Variants in CLDN14 observed in about 807,000 individuals in gnomAD.
CLDN14 encodes the protein claudin-14.
A neutral mutation model predicts 2.1 loss-of-function variants in CLDN14; 2 were observed. That is an observed-to-expected ratio of 0.96 (90% confidence interval 0.39 to 3.01). The LOEUF is 3.01. Ranked by LOEUF, CLDN14 falls within the 30% of genes most tolerant of loss-of-function variation. The pLI is 0.09. For synonymous variants in CLDN14, 136 were observed against 154.4 expected, an observed-to-expected ratio of 0.88 and a Z score of 0.88; for missense variants, 298 against 328.0, an observed-to-expected ratio of 0.91 and a Z score of 0.71.
intron 1 of CLDN14, among the ~76,000 whole-genome samples, chr21:36,527,832 G>C (rs1157176673): frequency 6.6e-6 from 1 of 151,782 alleles, no homozygotes; most frequent in African/African-American, 2.4e-5. Flanking sequence ...TGTATCTCAG[G>C]GGGAAGAAAC....
At chr21:36,476,814 G>T (rs1270396044) in intron 1 of CLDN14, among the ~76,000 whole-genome samples, 1 of 152,268 alleles carries the variant, frequency 6.6e-6, no homozygotes, top group Non-Finnish European at 1.5e-5. Flanking sequence ...ACTCACAGTG[G>T]TGAGAATGAT....
chr21:36,485,890 C>G, intron 2 of CLDN14: 2 of 619,880 alleles, frequency 3.2e-6, no homozygotes, highest in Non-Finnish European at 2.7e-6. Flanking sequence ...TTTATTTAGG[C>G]TGTAATGGTT....
upstream of CLDN14, chr21:36,480,840 T>G (rs2086837525): frequency 6.6e-6 from 1 of 151,858 alleles, no homozygotes; most frequent in Non-Finnish European, 1.5e-5. Flanking sequence ...GGGCTCTGGT[T>G]GGTGTTTAAA....
intron 1 of CLDN14, among the ~76,000 whole-genome samples, chr21:36,475,201 G>A (rs945506159): frequency 6.6e-6 from 1 of 152,204 alleles, no homozygotes; most frequent in African/African-American, 2.4e-5. Context: ...GGCTGGACTG[G>A]ACCTGGTGGG....
chr21:36,572,159 T>C (rs2087714379), intron 1 of CLDN14, among the ~76,000 whole-genome samples: 1 of 152,216 alleles, frequency 6.6e-6, no homozygotes, highest in Non-Finnish European at 1.5e-5. Context: ...TCTGGGCTTG[T>C]TATCCAAGGC....
intron 1 of CLDN14, among the ~76,000 whole-genome samples, chr21:36,522,806 C>T (rs2087281789): frequency 6.6e-6 from 1 of 152,106 alleles, no homozygotes; most frequent in Non-Finnish European, 1.5e-5. Flanking sequence ...TCTTCCCATT[C>T]CATTTTAATT....
intron 2 of CLDN14, chr21:36,486,077 G>T: frequency 7.2e-7 from 1 of 1,386,566 alleles, no homozygotes; most frequent in South Asian, 1.2e-5. Context: ...TTCATTGTTG[G>T]GATCCACACC....
At chr21:36,491,980 T>A (rs940102139) in intron 2 of CLDN14, among the ~76,000 whole-genome samples, 2 of 152,164 alleles carry the variant, frequency 1.3e-5, no homozygotes, top group Non-Finnish European at 2.9e-5. Flanking sequence ...TATGACCTTC[T>A]TTGGAAATAG....
chr21:36,546,529 A>C (rs2087526916), intron 1 of CLDN14, among the ~76,000 whole-genome samples: 1 of 152,176 alleles, frequency 6.6e-6, no homozygotes, highest in South Asian at 2.1e-4. Flanking sequence ...CAGCACAGGT[A>C]ATTTTTGTTT....
At chr21:36,516,185 G>A (rs557421097) in intron 1 of CLDN14, among the ~76,000 whole-genome samples, 65 of 152,174 alleles carry the variant, frequency 4.3e-4, no homozygotes, top group Non-Finnish European at 8.4e-4. Flanking sequence ...TGGCTAGGAA[G>A]TTTGTATCTC....
chr21:36,515,660 A>G, intron 1 of CLDN14, among the ~76,000 whole-genome samples: 1 of 148,444 alleles, frequency 6.7e-6, no homozygotes, highest in Admixed American at 6.7e-5. Flanking sequence ...GTGACAGAGC[A>G]AGTCTCCATC....
At chr21:36,558,936 G>A (rs2087615930) in intron 1 of CLDN14, among the ~76,000 whole-genome samples, 1 of 151,974 alleles carries the variant, frequency 6.6e-6, no homozygotes, top group South Asian at 2.1e-4. Flanking sequence ...AAAGATTTGT[G>A]CCAAGGGAGT....
intron 1 of CLDN14, among the ~76,000 whole-genome samples, chr21:36,555,960 C>A (rs1239002600): frequency 6.6e-6 from 1 of 152,068 alleles, no homozygotes; most frequent in African/African-American, 2.4e-5. Flanking sequence ...TAAGAATTCT[C>A]ACTTTGATCA....
Position 36,488,057 on chromosome 21 carries a change from C to T in CLDN14, c.-82+22306G>A, listed in dbSNP as rs573683429. On this transcript the variant is annotated intron_variant, in intron 2 of 2. Transcript: ENST00000342108. ...AGTCAAAAGGTGGCAGCAGGCCAGGCGTGCACTGAGAGACGAATGGATAAA... is the reference window on the plus strand; with the variant it reads ...AGTCAAAAGGTGGCAGCAGGCCAGGTGTGCACTGAGAGACGAATGGATAAA... Among the ~76,000 whole-genome samples, 8 of 152,334 alleles carry T rather than the reference C, an allele frequency of 5.3e-5. No homozygotes were observed. The East Asian group carries it at 1.5e-3, about 29-fold the overall frequency.
At chr21:36,520,228 A>G (rs1484288755) in intron 1 of CLDN14, among the ~76,000 whole-genome samples, 1 of 152,040 alleles carries the variant, frequency 6.6e-6, no homozygotes, top group African/African-American at 2.4e-5. Flanking sequence ...CCCTCTTCTC[A>G]TAAGGACACT....
Position 36,461,669 on chromosome 21 carries a change from C to T in CLDN14, c.27G>A (p.Leu9=), listed in dbSNP as rs1348894244. Residue 9 remains leucine, a synonymous_variant, in exon 2 of 2, where the codon CTG becomes CTA. Transcript: ENST00000399135. The stretch of plus-strand genomic sequence containing the variant: ...TGCCCAGGAAGCTGAGCAGGAAGCC[C>T]AGAAGCTGCACGGCCGTGCTGGCCA... MASTAVQL[L]GFLLSFLGMV... is the part of the protein sequence containing the mutation. 1 of 1,558,222 alleles carries T rather than the reference C, an allele frequency of 6.4e-7. No homozygotes were observed. The highest frequency in any genetic ancestry group is 2.4e-5 in the East Asian group (1 of 41,286).
intron 2 of CLDN14, among the ~76,000 whole-genome samples, chr21:36,509,495 T>C (rs539540544): frequency 2.6e-5 from 4 of 152,334 alleles, no homozygotes; most frequent in South Asian, 4.1e-4. Flanking sequence ...ATACATATGG[T>C]TGGGGGCAGA....
At chr21:36,474,082 A>T (rs1036435843) in intron 1 of CLDN14, among the ~76,000 whole-genome samples, 3 of 152,208 alleles carry the variant, frequency 2.0e-5, no homozygotes, top group Non-Finnish European at 4.4e-5. Flanking sequence ...GAATTCTTTC[A>T]GGAACTTGGA....
chr21:36,561,513 T>G (rs2087635159), intron 1 of CLDN14, among the ~76,000 whole-genome samples: 1 of 152,140 alleles, frequency 6.6e-6, no homozygotes, highest in Non-Finnish European at 1.5e-5. Context: ...GCTGCCCCGC[T>G]GCCCCTCAGC....
Sources: gnomAD v4.1 joint callset for allele counts (sites outside exome capture counted in the v4.1 genomes callset) on GRCh38, gnomAD v4.1.1 for gene constraint, MANE v1.5 for transcripts, NCBI Gene and HGNC (gene_info 2026-07-23, HGNC 2026-07-21) for gene names.